Variants in SFMBT1 observed in about 807,000 individuals in gnomAD.
The protein encoded by SFMBT1 is scm-like with four MBT domains protein 1.
Under a neutral mutation model 108.7 loss-of-function variants are expected in SFMBT1, and 32 were observed. The ratio of observed to expected loss-of-function variants is 0.29; its 90% CI spans 0.22 to 0.40. SFMBT1 has a LOEUF of 0.40. SFMBT1 is among the 10% of genes least tolerant of loss of function. The pLI, the probability that SFMBT1 is intolerant of heterozygous loss-of-function variation, is 1.00. For synonymous variants in SFMBT1, 348 were observed against 369.5 expected (o/e 0.94, Z 0.67); for missense variants, 816 against 1,059.6 (o/e 0.77, Z 3.19).
intron 1 of SFMBT1, among the ~76,000 whole-genome samples, chr3:53,012,648 C>A (rs1380524884): frequency 6.6e-6 from 1 of 151,458 alleles, no homozygotes; most frequent in Non-Finnish European, 1.5e-5. Context: ...ATGATCCGCC[C>A]GCCTCTGCCT....
At chr3:52,942,190 C>G (rs894019663) in intron 4 of SFMBT1, among the ~76,000 whole-genome samples, 1 of 152,144 alleles carries the variant, frequency 6.6e-6, no homozygotes, top group African/African-American at 2.4e-5. Context: ...AAACTGAGTA[C>G]TATCTGTAAA....
At chr3:52,958,349 GGGA>G in intron 2 of SFMBT1, among the ~76,000 whole-genome samples, 1 of 152,208 alleles carries the variant, frequency 6.6e-6, no homozygotes, top group Non-Finnish European at 1.5e-5. Context: ...CCAGCACTTT[GGGA>G]GGCCGCGGCA....
At chr3:52,922,398 G>A (rs7629350) in intron 10 of SFMBT1, among the ~76,000 whole-genome samples, 149,953 of 152,368 alleles carry the variant, frequency 0.98, 73,842 homozygotes, top group Middle Eastern at 1. Context: ...GAACATCTGC[G>A]TTTGAGTGTT....
intron 19 of SFMBT1, 35 bp downstream of exon 19, chr3:52,907,030 GAGAA>G (rs780553545): frequency 1.2e-5 from 19 of 1,569,870 alleles, no homozygotes; most frequent in South Asian, 3.7e-5. Flanking sequence ...AAATTCCAGA[GAGAA>G]AGAAAGAAAA....
At chr3:52,906,440 A>G (rs148961159) in intron 19 of SFMBT1, among the ~76,000 whole-genome samples, 199 bp from the exon 20 acceptor site, 57 of 152,362 alleles carry the variant, frequency 3.7e-4, no homozygotes, top group African/African-American at 1.3e-3. Flanking sequence ...CGAAGTATCA[A>G]TGGGAAAGAA....
At chr3:52,917,630 G>GC (rs1197711444) in intron 13 of SFMBT1, among the ~76,000 whole-genome samples, 3 of 152,192 alleles carry the variant, frequency 2.0e-5, no homozygotes, top group Admixed American at 6.5e-5. Context: ...GGGCCGCACA[G>GC]CAGGCAAGGG....
intron 2 of SFMBT1, among the ~76,000 whole-genome samples, chr3:52,966,011 A>AAG: frequency 7.3e-6 from 1 of 137,388 alleles, no homozygotes; most frequent in African/African-American, 2.8e-5. Flanking sequence ...GTTTCAAAAA[A>AAG]AAAAAAAAAA....
chr3:52,910,884 C>T, intron 17 of SFMBT1, 119 bp downstream of exon 17: 1 of 785,886 alleles, frequency 1.3e-6, no homozygotes, highest in Non-Finnish European at 2.1e-6. Flanking sequence ...TCATCTGGCC[C>T]TTTACAGAAG....
Position 52,907,468 on chromosome 3 carries a change from G to A in SFMBT1, c.2085+87C>T, listed in dbSNP as rs539477626. On this transcript the variant is annotated intron_variant, in intron 18 of 20. Coordinates refer to ENST00000394752, the MANE Select transcript of SFMBT1 (RefSeq NM_016329.4). ...TTCTATTGGCCAGAGATCTGAGTTA[G>A]AAAGACCTGCAGGTATTCTGTGTCC... 10 of 1,529,284 alleles carry A rather than the reference G, an allele frequency of 6.5e-6. No individual in the cohort carries two copies. In the South Asian group the frequency reaches 1.1e-4, roughly 16 times the overall value. 94.7% of individuals were successfully genotyped at this position (1,529,284 alleles called of 1,614,324 possible).
Position 53,037,616 on chromosome 3 carries a change from G to A in SFMBT1, c.-131+8200C>T, listed in dbSNP as rs572256805. On this transcript the variant is annotated intron_variant, in intron 1 of 20. Transcript: ENST00000394752. ...CACCTATAACAACAATAATACACCC[G>A]AAGTTTCTCAAATTTCTATCTTTAG... Among the ~76,000 whole-genome samples, 14 of 152,172 alleles carry A rather than the reference G, an allele frequency of 9.2e-5. No homozygotes were observed. The South Asian group carries it at 2.1e-3, about 23-fold the overall frequency.
intron 1 of SFMBT1, among the ~76,000 whole-genome samples, chr3:53,034,379 C>T (rs1378963079): frequency 6.6e-6 from 1 of 151,964 alleles, no homozygotes; most frequent in Non-Finnish European, 1.5e-5. Context: ...GAGTTTGAGA[C>T]CAGCCTGACC....
At chr3:53,006,764 G>C (rs1408494276) in intron 1 of SFMBT1, among the ~76,000 whole-genome samples, 1 of 152,148 alleles carries the variant, frequency 6.6e-6, no homozygotes, top group African/African-American at 2.4e-5. Context: ...AACACCAAGG[G>C]AAGACTGTAC....
At chr3:52,935,782 G>A (rs752984168) in intron 4 of SFMBT1, among the ~76,000 whole-genome samples, 2 of 152,112 alleles carry the variant, frequency 1.3e-5, no homozygotes, top group South Asian at 2.1e-4. Flanking sequence ...TGAGACGCAC[G>A]CATTGCAAAT....
intron 1 of SFMBT1, among the ~76,000 whole-genome samples, chr3:53,004,530 C>G (rs1355707303): frequency 6.7e-6 from 1 of 149,998 alleles, no homozygotes; most frequent in East Asian, 2.0e-4. Context: ...CCTCGGCCTC[C>G]CAGAGTGCTG....
At chr3:52,924,669 AC>A (rs1702608091) in intron 10 of SFMBT1, among the ~76,000 whole-genome samples, 1 of 119,784 alleles carries the variant, frequency 8.3e-6, no homozygotes, top group Non-Finnish European at 1.9e-5. Context: ...AACAACAACA[AC>A]AACAACAACA....
chr3:53,002,430 C>T (rs1171990747), intron 1 of SFMBT1, among the ~76,000 whole-genome samples: 2 of 148,678 alleles, frequency 1.3e-5, no homozygotes, highest in East Asian at 2.0e-4. Context: ...AGAAATCACC[C>T]AGCCCAGTAT....
In SFMBT1 at chr3:52,928,079, GA is replaced by G. The variant is rs1441433133; in HGVS notation, c.1048+111del. ...TTTTCTCAGACCCCAAAAACGTTAGGAACAGGCTAGGGCAGGAGGAGAGGGA... is the reference window on the plus strand; with the variant it reads ...TTTTCTCAGACCCCAAAAACGTTAGGACAGGCTAGGGCAGGAGGAGAGGGA... On this transcript the variant is annotated intron_variant, in intron 9 of 20. Transcript: ENST00000394752. The G allele has an allele frequency of 2.9e-6, 4 of 1,364,230 alleles. No homozygotes were observed. The African/African-American group carries it at 4.4e-5, about 15-fold the overall frequency. The allele number at this position is 1,364,230 out of a possible 1,614,324, so 84.5% of individuals were successfully genotyped here. A position where few individuals can be genotyped will look rare whatever the true frequency, so the allele number is the denominator to read the frequency against.
intron 8 of SFMBT1, 26 bp downstream of exon 8, chr3:52,930,303 T>C (rs1331714119): frequency 7.2e-6 from 10 of 1,388,978 alleles, no homozygotes; most frequent in Non-Finnish European, 1.0e-5. Context: ...CAGGGATTCT[T>C]ACCAAGAGAG....
At chr3:52,945,504 T>C (rs1206903168) in intron 3 of SFMBT1, among the ~76,000 whole-genome samples, 1 of 151,146 alleles carries the variant, frequency 6.6e-6, no homozygotes, top group East Asian at 1.9e-4. Context: ...TAGACAAACA[T>C]CACAGAAATA....
Sources: allele counts gnomAD v4.1 joint callset (sites outside exome capture counted in the v4.1 genomes callset), GRCh38; gene constraint gnomAD v4.1.1; transcripts MANE v1.5; gene names NCBI Gene and HGNC (gene_info 2026-07-23, HGNC 2026-07-21).